TAF2: variants seen among roughly 807,000 people sequenced by gnomAD.
TAF2 encodes the protein transcription initiation factor TFIID subunit 2.
TAF2 carries 61 observed loss-of-function variants against 138.5 expected under a neutral mutation model. That is an observed-to-expected ratio of 0.44 (90% CI 0.36 to 0.54). The LOEUF (loss-of-function observed/expected upper bound fraction) is 0.54. TAF2 is among the 20% of genes least tolerant of loss of function. The pLI is 0.00. For synonymous variants in TAF2, 475 were observed against 469.9 expected, an observed-to-expected ratio of 1.01 and a Z score of -0.14; for missense variants, 1,090 against 1,427.9, an observed-to-expected ratio of 0.76 and a Z score of 3.81.
chr8:119,775,697 C>T (rs970333764), intron 18 of TAF2, among the ~76,000 whole-genome samples: 3 of 150,706 alleles, frequency 2.0e-5, no homozygotes, highest in African/African-American at 4.9e-5. Context: ...AGCGAGATTC[C>T]GTCTCAAAAA....
chr8:119,740,810 T>C (rs1819559833), intron 25 of TAF2, among the ~76,000 whole-genome samples: 2 of 152,204 alleles, frequency 1.3e-5, no homozygotes, highest in South Asian at 2.1e-4. Flanking sequence ...TTCTACATTC[T>C]TGTAATATCA....
At chr8:119,760,882 C>A (rs184651683) in intron 19 of TAF2, 144 bp from the exon 20 acceptor site, 6 of 1,067,090 alleles carry the variant, frequency 5.6e-6, no homozygotes. Flanking sequence ...AATAGAGTCA[C>A]AAGCCATATA....
intron 18 of TAF2, among the ~76,000 whole-genome samples, chr8:119,766,672 T>A (rs1586366058): frequency 6.6e-6 from 1 of 151,426 alleles, no homozygotes. Context: ...ATTAGCTGAG[T>A]GTGGTACAAA....
intron 23 of TAF2, among the ~76,000 whole-genome samples, chr8:119,745,982 G>A (rs1431088841): frequency 6.6e-6 from 1 of 152,024 alleles, no homozygotes; most frequent in Non-Finnish European, 1.5e-5. Flanking sequence ...ACTGTGCTAG[G>A]TATTACACAG....
intron 20 of TAF2, among the ~76,000 whole-genome samples, chr8:119,758,864 G>T (rs549229858): frequency 1.3e-5 from 2 of 152,052 alleles, no homozygotes; most frequent in Admixed American, 1.3e-4. Flanking sequence ...GGACAAAAGC[G>T]AAGTGTCACA....
At chr8:119,788,763 C>A in intron 13 of TAF2, 27 bp downstream of exon 13, 3 of 1,526,342 alleles carry the variant, frequency 2.0e-6, no homozygotes, top group Non-Finnish European at 2.7e-6. Flanking sequence ...GATAGCAGTA[C>A]AAAGGCGATT....
intron 19 of TAF2, among the ~76,000 whole-genome samples, chr8:119,761,004 C>T (rs189435309): frequency 6.5e-4 from 99 of 152,130 alleles, no homozygotes; most frequent in Non-Finnish European, 1.2e-3. Flanking sequence ...AGTCTAAGTC[C>T]ACAGTGTTTA....
In TAF2 at chr8:119,788,770, GA is replaced by G. The variant is rs1823212640; in HGVS notation, c.1683+19del. 4 of 1,563,372 alleles carry G rather than the reference GA, an allele frequency of 2.6e-6. No homozygotes were observed. Among genetic ancestry groups the G allele is most frequent in the Admixed American group, 3.3e-5 (2 of 59,884 alleles). On this transcript the variant is annotated intron_variant, in intron 13 of 25. Coordinates refer to ENST00000378164, the MANE Select transcript of TAF2 (RefSeq NM_003184.4). Reference sequence around the variant, plus strand: ...ACTGAGGAGATAGCAGTACAAAGGCGATTTTGGAAAAAGACTTACCACGTAT... The same window carrying G: ...ACTGAGGAGATAGCAGTACAAAGGCGTTTTGGAAAAAGACTTACCACGTAT...
chr8:119,785,428 CTTTA>C (rs1004026285), intron 14 of TAF2, among the ~76,000 whole-genome samples, 162 bp from the exon 15 acceptor site: 1 of 152,150 alleles, frequency 6.6e-6, no homozygotes, highest in Admixed American at 6.5e-5. Flanking sequence ...AACAAAGTCT[CTTTA>C]TTTTAAAGCT....
chr8:119,764,423 A>G (rs1167270841), intron 18 of TAF2, among the ~76,000 whole-genome samples: 1 of 152,252 alleles, frequency 6.6e-6, no homozygotes, highest in Non-Finnish European at 1.5e-5. Context: ...ATGTGGTTCC[A>G]CAACAATAAT....
intron 23 of TAF2, among the ~76,000 whole-genome samples, chr8:119,745,805 G>A (rs1422123520): frequency 8.0e-6 from 1 of 124,330 alleles, no homozygotes; most frequent in African/African-American, 3.9e-5. Context: ...ATGTGTGTGT[G>A]TGTGTGTGTG....
At chr8:119,732,298 C>A in intron 25 of TAF2, 112 bp from the exon 26 acceptor site, 1 of 960,328 alleles carries the variant, frequency 1.0e-6, no homozygotes, top group Non-Finnish European at 1.6e-6. Context: ...GTTTTTATCA[C>A]TTCTATCAGG....
intron 2 of TAF2, among the ~76,000 whole-genome samples, chr8:119,826,553 T>C (rs1486939643): frequency 1.3e-5 from 2 of 152,180 alleles, no homozygotes; most frequent in Non-Finnish European, 2.9e-5. Context: ...CAAGTTTATA[T>C]TTCCTGTTTA....
At chr8:119,809,294 G>A (rs1243868264) in intron 3 of TAF2, among the ~76,000 whole-genome samples, 3 of 152,200 alleles carry the variant, frequency 2.0e-5, no homozygotes, top group Non-Finnish European at 4.4e-5. Context: ...TTCTTCTGCA[G>A]CTTCCTCACC....
chr8:119,804,482 G>C (rs960825843), intron 4 of TAF2, among the ~76,000 whole-genome samples: 3 of 152,136 alleles, frequency 2.0e-5, no homozygotes, highest in Non-Finnish European at 4.4e-5. Flanking sequence ...AATCACAGGG[G>C]CAAGTCTTTC....
intron 18 of TAF2, among the ~76,000 whole-genome samples, chr8:119,774,191 T>C (rs1200150972): frequency 6.6e-6 from 1 of 152,058 alleles, no homozygotes; most frequent in Non-Finnish European, 1.5e-5. Context: ...AAATTGATCT[T>C]TTGTATGTTT....
Position 119,742,635 on chromosome 8 carries a change from G to C in TAF2, c.3236C>G (p.Ala1079Gly). Residue 1079 changes from alanine (A) to glycine (G), a missense_variant, in exon 25 of 26, where the codon GCT becomes GGT. Ala to Gly is a moderately conservative substitution (Grantham distance 60). Around this residue, in one of 3 missense-constraint regions of TAF2, gnomAD observed 580 missense variants for 719.6 expected, o/e 0.81. Transcript: ENST00000378164. ...STPGLSKYRPASSRSALIPQH... is the reference protein window; with the variant it reads ...STPGLSKYRPGSSRSALIPQH... ...GGGTATTAAAGCAGATCGGGAGCTA[G>C]CTGGCCGATATTTCGAGAGCCCTAA... 6.2e-7 allele frequency: 1 copy of C among 1,613,874 alleles called. No homozygotes were observed. Among genetic ancestry groups the C allele is most frequent in the Non-Finnish European group, 8.5e-7 (1 of 1,179,942 alleles).
At chr8:119,793,530 T>C in intron 9 of TAF2, 79 bp from the exon 10 acceptor site, 1 of 979,796 alleles carries the variant, frequency 1.0e-6, no homozygotes, top group Non-Finnish European at 1.6e-6. Flanking sequence ...AGAATTAAAC[T>C]GTGAATTCTC....
At chr8:119,794,038 C>T (rs903097386) in intron 9 of TAF2, among the ~76,000 whole-genome samples, 3 of 151,976 alleles carry the variant, frequency 2.0e-5, no homozygotes, top group Non-Finnish European at 2.9e-5. Context: ...GGTGATCCTC[C>T]CACCTCAGCC....
Sources: gnomAD v4.1 joint callset for allele counts (sites outside exome capture counted in the v4.1 genomes callset) on GRCh38, gnomAD v4.1.1 for gene constraint, gnomAD v4.1.1 regional missense constraint, MANE v1.5 for transcripts, NCBI Gene and HGNC (gene_info 2026-07-23, HGNC 2026-07-21) for gene names.